DSCAM: variants seen among roughly 807,000 people sequenced by gnomAD.
DSCAM encodes the protein cell adhesion molecule DSCAM.
Under a neutral mutation model 217.7 loss-of-function variants are expected in DSCAM, and 47 were observed. That is an observed-to-expected ratio of 0.22 (90% CI 0.17 to 0.28). The LOEUF is 0.28. Among genes scored for constraint, DSCAM ranks in the 10% least tolerant of loss-of-function variants. The pLI is 1.00. For synonymous variants in DSCAM, 1,056 were observed against 1,015.3 expected, an observed-to-expected ratio of 1.04 and a Z score of -0.76; for missense variants, 2,080 against 2,618.3, an observed-to-expected ratio of 0.79 and a Z score of 4.49.
rs1231066232 is a variant in DSCAM, at chr21:40,295,524, A to C, written c.2182+531T>G. On this transcript the variant is annotated intron_variant, in intron 10 of 32. Transcript: ENST00000400454. ...GGGAACATGAGACAATCGCAATAGG[A>C]CATTGGGCGTGTTTGTTTTTAAAAA... Among the ~76,000 whole-genome samples the C allele has an allele frequency of 2.6e-5, 4 of 152,182 alleles. No individual in the cohort carries two copies. In the East Asian group the frequency reaches 7.7e-4, roughly 29 times the overall value.
intron 3 of DSCAM, among the ~76,000 whole-genome samples, chr21:40,562,374 G>C (rs2076727442): frequency 1.3e-5 from 2 of 152,122 alleles, no homozygotes; most frequent in African/African-American, 4.8e-5. Flanking sequence ...TGATTGTTAA[G>C]TTTCCTGGGG....
At chr21:40,220,558 G>A (rs2091281192) in intron 11 of DSCAM, among the ~76,000 whole-genome samples, 1 of 152,140 alleles carries the variant, frequency 6.6e-6, no homozygotes, top group African/African-American at 2.4e-5. Flanking sequence ...TACATAAATA[G>A]ACTATAAAGA....
chr21:40,562,594 A>C (rs556129685), intron 3 of DSCAM, among the ~76,000 whole-genome samples: 1 of 152,304 alleles, frequency 6.6e-6, no homozygotes, highest in South Asian at 2.1e-4. Flanking sequence ...TCTCTTCCTG[A>C]ACTGATTTTT....
intron 3 of DSCAM, among the ~76,000 whole-genome samples, chr21:40,433,815 G>C (rs1406445414): frequency 6.6e-6 from 1 of 152,212 alleles, no homozygotes; most frequent in Non-Finnish European, 1.5e-5. Context: ...GGTCACCTGA[G>C]GTGATGACAT....
intron 3 of DSCAM, among the ~76,000 whole-genome samples, chr21:40,468,014 C>T (rs369721787): frequency 1.1e-3 from 171 of 151,672 alleles, no homozygotes; most frequent in African/African-American, 3.9e-3. Flanking sequence ...GATCTTTACC[C>T]TAAAATAGTT....
At chr21:40,721,874 T>C (rs1341368137) in intron 1 of DSCAM, among the ~76,000 whole-genome samples, 2 of 152,050 alleles carry the variant, frequency 1.3e-5, no homozygotes, top group East Asian at 3.8e-4. Context: ...CATGATTAAA[T>C]TGTTCAAATC....
At chr21:40,675,732 AAAT>A (rs968838545) in intron 3 of DSCAM, among the ~76,000 whole-genome samples, 1 of 152,246 alleles carries the variant, frequency 6.6e-6, no homozygotes, top group African/African-American at 2.4e-5. Flanking sequence ...TGATGTGCAC[AAAT>A]AATTTTACTG....
At chr21:40,687,387 T>C (rs1282274114) in intron 3 of DSCAM, among the ~76,000 whole-genome samples, 4 of 152,284 alleles carry the variant, frequency 2.6e-5, no homozygotes, top group South Asian at 2.1e-4. Flanking sequence ...CTCCGCAAGA[T>C]AGCAGCCACA....
chr21:40,087,338 A>G (rs765360110), intron 21 of DSCAM, 51 bp from the exon 22 acceptor site: 1 of 1,382,486 alleles, frequency 7.2e-7, no homozygotes, highest in Admixed American at 1.7e-5. Context: ...ACGTGTCTAC[A>G]CAGAGGCCAA....
chr21:40,120,000 C>T (rs765168782), intron 20 of DSCAM, among the ~76,000 whole-genome samples: 2 of 152,076 alleles, frequency 1.3e-5, no homozygotes, highest in Non-Finnish European at 2.9e-5. Flanking sequence ...CAGTCTGTGG[C>T]TGATTGGGAG....
intron 3 of DSCAM, among the ~76,000 whole-genome samples, chr21:40,632,607 A>G (rs138145504): frequency 1.0e-3 from 159 of 152,322 alleles, no homozygotes; most frequent in African/African-American, 3.6e-3. Context: ...TGAGCCCAAA[A>G]TAAAATAACG....
intron 3 of DSCAM, among the ~76,000 whole-genome samples, chr21:40,519,844 C>G (rs566739534): frequency 1.5e-4 from 22 of 147,970 alleles, no homozygotes; most frequent in African/African-American, 4.6e-4. Context: ...CACTCTCTCT[C>G]TCTCTCTGTG....
At chr21:40,801,641 A>G (rs916804909) in intron 1 of DSCAM, among the ~76,000 whole-genome samples, 2 of 152,234 alleles carry the variant, frequency 1.3e-5, no homozygotes, top group East Asian at 3.9e-4. Flanking sequence ...CCTGCACTCC[A>G]GAACGGTGCT....
intron 1 of DSCAM, among the ~76,000 whole-genome samples, chr21:40,819,261 A>C (rs1389448800): frequency 6.6e-6 from 1 of 152,244 alleles, no homozygotes; most frequent in East Asian, 1.9e-4. Context: ...TCTTTCAGCT[A>C]ATTTAACATT....
At chr21:40,844,711 C>T (rs188661571) in intron 1 of DSCAM, among the ~76,000 whole-genome samples, 1 of 151,144 alleles carries the variant, frequency 6.6e-6, no homozygotes, top group East Asian at 1.9e-4. Context: ...AATGCTGATT[C>T]AGAAAAAAAG....
intron 3 of DSCAM, among the ~76,000 whole-genome samples, chr21:40,417,713 G>A (rs1026290254): frequency 4.6e-5 from 7 of 151,902 alleles, no homozygotes; most frequent in Non-Finnish European, 7.4e-5. Context: ...GTTTAACTTA[G>A]CAAATTATAA....
At chr21:40,026,979 C>T (rs1390110409) in intron 32 of DSCAM, among the ~76,000 whole-genome samples, 1 of 152,310 alleles carries the variant, frequency 6.6e-6, no homozygotes, top group Non-Finnish European at 1.5e-5. Flanking sequence ...TCTTGATGGT[C>T]TCTACATTTT....
intron 25 of DSCAM, among the ~76,000 whole-genome samples, chr21:40,079,453 C>A (rs1168652984): frequency 2.0e-5 from 3 of 152,148 alleles, no homozygotes; most frequent in African/African-American, 4.8e-5. Context: ...GATCATTTGA[C>A]CTCTTACCAC....
Position 40,659,393 on chromosome 21 carries a change from C to CT in DSCAM, c.508+33416_508+33417insA, listed in dbSNP as rs1555877142. Among the ~76,000 whole-genome samples the CT allele has an allele frequency of 1.9e-3, 266 of 138,766 alleles. 1 individual carries two copies. Among genetic ancestry groups the CT allele is most frequent in the African/African-American group, 7.6e-3 (251 of 32,864 alleles). The allele number at this position is 138,766 out of a possible 152,430, so 91.0% of individuals were successfully genotyped here. On this transcript the variant is annotated intron_variant, in intron 3 of 32. Transcript: ENST00000400454. ...TCTATCTATCTATCTATCTATCTATCATCTCTCTCATCTCTCTATCACTCT... is the reference window on the plus strand; with the variant it reads ...TCTATCTATCTATCTATCTATCTATCTATCTCTCTCATCTCTCTATCACTCT...
Sources: gnomAD v4.1 joint callset for allele counts (sites outside exome capture counted in the v4.1 genomes callset) on GRCh38, gnomAD v4.1.1 for gene constraint, MANE v1.5 for transcripts, NCBI Gene and HGNC (gene_info 2026-07-23, HGNC 2026-07-21) for gene names.